SFRP1: variants seen among roughly 807,000 people sequenced by gnomAD.
SFRP1 encodes the protein secreted frizzled related protein 1, also known as secreted frizzled-related protein 1.
SFRP1 carries 9 observed loss-of-function variants against 25.9 expected under a neutral mutation model. That is an observed-to-expected ratio of 0.35 (90% CI 0.21 to 0.61). The LOEUF (loss-of-function observed/expected upper bound fraction) is 0.61, where lower values mean the gene tolerates loss of function less well. SFRP1 is among the 20% of genes least tolerant of loss of function. The probability of loss-of-function intolerance (pLI) is 0.78; values close to 1 mark genes in which losing one functional copy is unlikely to be tolerated. For missense variants in SFRP1, 346 were observed against 418.2 expected (o/e 0.83, Z 1.51); for synonymous variants, 178 against 174.0 (o/e 1.02, Z -0.18).
At position 41,300,396 on chromosome 8, in the gene SFRP1, T is replaced by C. The variant is rs529476812; in HGVS notation, c.622+3065A>G. ...ATCCTTTTCCATAGGGAGAAAATAC[T>C]GGGCTGAAGAAATTGCCACCTGAAC... On this transcript the variant is annotated intron_variant, in intron 2 of 2. Transcript: ENST00000220772. 1.2e-4 allele frequency among the ~76,000 whole-genome samples: 18 copies of C among 152,280 alleles called. No individual in the cohort carries two copies. The East Asian group carries it at 3.5e-3, about 29-fold the overall frequency.
At chr8:41,278,540 T>A (rs1237217771) in intron 2 of SFRP1, among the ~76,000 whole-genome samples, 1 of 152,228 alleles carries the variant, frequency 6.6e-6, no homozygotes, top group African/African-American at 2.4e-5. Flanking sequence ...CCTTTCCCTG[T>A]CTTTGAAATC....
chr8:41,284,453 G>A (rs543040465), intron 2 of SFRP1, among the ~76,000 whole-genome samples: 9 of 152,170 alleles, frequency 5.9e-5, no homozygotes, highest in African/African-American at 2.2e-4. Context: ...CATGCACTGG[G>A]CACAGTGCTC....
At chr8:41,275,987 A>T (rs1803567499) in intron 2 of SFRP1, among the ~76,000 whole-genome samples, 1 of 152,124 alleles carries the variant, frequency 6.6e-6, no homozygotes, top group Non-Finnish European at 1.5e-5. Context: ...AGCTCAAGTG[A>T]TCCTCCCACC....
intron 2 of SFRP1, among the ~76,000 whole-genome samples, chr8:41,295,453 C>T (rs1803832297): frequency 6.6e-6 from 1 of 151,544 alleles, no homozygotes; most frequent in Non-Finnish European, 1.5e-5. Flanking sequence ...TCCTTGAACC[C>T]AGTAGGCAGA....
chr8:41,288,504 T>C (rs1803735175), intron 2 of SFRP1, among the ~76,000 whole-genome samples: 1 of 120,064 alleles, frequency 8.3e-6, no homozygotes, highest in South Asian at 2.8e-4. Flanking sequence ...GCCACCGCAG[T>C]CCAGCCTGGG....
At chr8:41,290,414 G>A (rs1260619874) in intron 2 of SFRP1, among the ~76,000 whole-genome samples, 1 of 152,216 alleles carries the variant, frequency 6.6e-6, no homozygotes, top group Non-Finnish European at 1.5e-5. Context: ...TGGCTCCGGA[G>A]GCACTGCTCC....
In SFRP1 at chr8:41,265,120, G is replaced by GGGGCCCCCCCCCCCCCCCC; in HGVS notation, c.*46_*47insGGGGGGGGGGGGGGGGCCC. ...GGGTTCCCGGGGCACTGTCCCCCCC[G>GGGGCCCCCCCCCCCCCCCC]CTCCCACCCCACCCGAGGCTCCCTC... On this transcript the variant is annotated 3_prime_UTR_variant, in exon 3 of 3. Coordinates refer to ENST00000220772, the MANE Select transcript of SFRP1 (RefSeq NM_003012.5). 1.2e-5 allele frequency: 2 copies of GGGGCCCCCCCCCCCCCCCC among 160,642 alleles called. No individual in the cohort carries two copies. Among genetic ancestry groups the GGGGCCCCCCCCCCCCCCCC allele is most frequent in the Non-Finnish European group, 1.2e-5 (1 of 84,338 alleles). The allele number at this position is 160,642 out of a possible 1,614,324, so 10.0% of individuals were successfully genotyped here.
intron 2 of SFRP1, among the ~76,000 whole-genome samples, chr8:41,301,633 G>A (rs527708376): frequency 6.6e-6 from 1 of 152,344 alleles, no homozygotes; most frequent in East Asian, 1.9e-4. Flanking sequence ...GTGGCAGAGT[G>A]TAAAAGGACT....
intron 2 of SFRP1, among the ~76,000 whole-genome samples, chr8:41,271,911 G>A (rs181705891): frequency 3.3e-5 from 5 of 152,210 alleles, no homozygotes; most frequent in Non-Finnish European, 4.4e-5. Flanking sequence ...GCTGCAGTGA[G>A]CTATGACTGC....
chr8:41,288,127 GC>G (rs1387311747), intron 2 of SFRP1, among the ~76,000 whole-genome samples: 4 of 152,102 alleles, frequency 2.6e-5, no homozygotes, highest in Non-Finnish European at 4.4e-5. Context: ...GGAGGCCAAG[GC>G]AGGCAGATCA....
chr8:41,279,366 G>C (rs527308175), intron 2 of SFRP1, among the ~76,000 whole-genome samples: 1 of 152,164 alleles, frequency 6.6e-6, no homozygotes, highest in South Asian at 2.1e-4. Flanking sequence ...CCGGGGTCTG[G>C]TCTACCCACC....
At chr8:41,286,706 G>T (rs1429658292) in intron 2 of SFRP1, among the ~76,000 whole-genome samples, 1 of 152,198 alleles carries the variant, frequency 6.6e-6, no homozygotes, top group African/African-American at 2.4e-5. Flanking sequence ...TCACTGAAGA[G>T]GGGGTCCACA....
chr8:41,285,928 T>C (rs918511710), intron 2 of SFRP1, among the ~76,000 whole-genome samples: 1 of 148,142 alleles, frequency 6.8e-6, no homozygotes, highest in Non-Finnish European at 1.5e-5. Context: ...TTTTGGGGTA[T>C]GGGTCCCCAG....
At chr8:41,273,211 C>T (rs915631739) in intron 2 of SFRP1, among the ~76,000 whole-genome samples, 3 of 152,168 alleles carry the variant, frequency 2.0e-5, no homozygotes, top group Non-Finnish European at 4.4e-5. Flanking sequence ...TATTATCAGC[C>T]AGGCACAGTG....
intron 2 of SFRP1, among the ~76,000 whole-genome samples, chr8:41,292,017 T>A (rs1245698442): frequency 6.6e-6 from 1 of 152,110 alleles, no homozygotes; most frequent in African/African-American, 2.4e-5. Flanking sequence ...AGCTCCTACG[T>A]GGCCAGCCCG....
intron 2 of SFRP1, among the ~76,000 whole-genome samples, chr8:41,270,223 G>T (rs1049908182): frequency 6.6e-6 from 1 of 152,180 alleles, no homozygotes; most frequent in Admixed American, 6.5e-5. Flanking sequence ...TTGCAGGCAC[G>T]CTAGCCACAT....
At chr8:41,280,711 G>A (rs1369769070) in intron 2 of SFRP1, among the ~76,000 whole-genome samples, 1 of 152,242 alleles carries the variant, frequency 6.6e-6, no homozygotes, top group Admixed American at 6.5e-5. Flanking sequence ...TGCAGGAGCT[G>A]CTGACCCATG....
intron 2 of SFRP1, among the ~76,000 whole-genome samples, chr8:41,294,164 C>T (rs950449450): frequency 6.6e-6 from 1 of 152,152 alleles, no homozygotes; most frequent in South Asian, 2.1e-4. Context: ...CTGGCACAGC[C>T]GCCCTATGGA....
intron 2 of SFRP1, among the ~76,000 whole-genome samples, chr8:41,296,477 T>G (rs1803844989): frequency 6.6e-6 from 1 of 150,722 alleles, no homozygotes; most frequent in South Asian, 2.1e-4. Flanking sequence ...GGCAATGATC[T>G]GACATTTCTT....
Sources: allele counts gnomAD v4.1 joint callset (sites outside exome capture counted in the v4.1 genomes callset), GRCh38; gene constraint gnomAD v4.1.1; transcripts MANE v1.5; gene names NCBI Gene and HGNC (gene_info 2026-07-23, HGNC 2026-07-21).